Variants in SYT1 observed in about 807,000 individuals in gnomAD.
The protein encoded by SYT1 is synaptotagmin-1.
A neutral mutation model predicts 44.8 loss-of-function variants in SYT1; 8 were observed. That is an observed-to-expected ratio of 0.18 (90% CI 0.10 to 0.32). SYT1 has a LOEUF of 0.32. SYT1 is among the 10% of genes least tolerant of loss of function. The probability of loss-of-function intolerance (pLI) is 1.00; values close to 1 mark genes in which losing one functional copy is unlikely to be tolerated. For missense variants in SYT1, 286 were observed against 509.3 expected (o/e 0.56, Z 4.22); for synonymous variants, 154 against 188.8 (o/e 0.82, Z 1.51).
At chr12:79,302,083 T>G (rs2138889285) in intron 8 of SYT1, among the ~76,000 whole-genome samples, 1 of 152,332 alleles carries the variant, frequency 6.6e-6, no homozygotes, top group African/African-American at 2.4e-5. Flanking sequence ...TATAATTGTG[T>G]GAATAAATTG....
At chr12:79,338,337 T>C (rs1882184880) in intron 8 of SYT1, among the ~76,000 whole-genome samples, 2 of 151,390 alleles carry the variant, frequency 1.3e-5, no homozygotes, top group South Asian at 2.1e-4. Flanking sequence ...AGGGCAGTGG[T>C]ACAAATCATA....
chr12:79,063,836 C>G lies in SYT1; in HGVS notation c.-18+16474C>G, dbSNP rs1029847693. 2.0e-5 allele frequency among the ~76,000 whole-genome samples: 3 copies of G among 152,078 alleles called. No individual in the cohort carries two copies. The East Asian group carries it at 5.8e-4, about 29-fold the overall frequency. ...GGAACACCAAAGCAAACCCACTCAC[C>G]CTTCCAAAAAGTATCATTTCTTTCA... On this transcript the variant is annotated intron_variant, in intron 3 of 10. Transcript: ENST00000261205.
chr12:79,132,444 G>A (rs1297452600), intron 3 of SYT1, among the ~76,000 whole-genome samples: 4 of 138,432 alleles, frequency 2.9e-5, no homozygotes, highest in African/African-American at 1.1e-4. Context: ...GCAAGATTCC[G>A]TCTCAAAAAA....
rs1283779176 is a variant in SYT1, at chr12:79,285,970, A to G, written c.350A>G (p.Gln117Arg). ...VKDLGKTMKD[Q>R]ALKDDDAETG... ...GACTTAGGGAAGACGATGAAAGATCAGGTAATGTATTCTTTCTACATTTCT... is the reference window on the plus strand; with the variant it reads ...GACTTAGGGAAGACGATGAAAGATCGGGTAATGTATTCTTTCTACATTTCT... The change falls in exon 5 of 11, where the codon CAG (glutamine) becomes CGG (arginine). Residue 117 changes from glutamine to arginine, a missense_variant and splice_region_variant. Coordinates refer to ENST00000261205, the MANE Select transcript of SYT1 (RefSeq NM_005639.3). The G allele has an allele frequency of 6.2e-7, 1 of 1,602,986 alleles. No homozygotes were observed. Among genetic ancestry groups the G allele is most frequent in the Non-Finnish European group, 8.5e-7 (1 of 1,177,644 alleles).
Position 79,300,469 on chromosome 12 carries a change from G to A in SYT1, c.810+918G>A, listed in dbSNP as rs187926181. On this transcript the variant is annotated intron_variant, in intron 8 of 10. Transcript: ENST00000261205. Reference sequence around the variant, plus strand: ...GGTCACCAGGGAGATCAGAGAGAACGTCAGGCCTTCAGAGAAACTCAATCA... The same window carrying A: ...GGTCACCAGGGAGATCAGAGAGAACATCAGGCCTTCAGAGAAACTCAATCA... 1.7e-4 allele frequency among the ~76,000 whole-genome samples: 26 copies of A among 152,094 alleles called. 1 individual carries two copies. The East Asian group carries it at 3.1e-3, about 18-fold the overall frequency.
At chr12:79,228,485 C>G (rs548616472) in intron 4 of SYT1, among the ~76,000 whole-genome samples, 1 of 152,212 alleles carries the variant, frequency 6.6e-6, no homozygotes, top group South Asian at 2.1e-4. Flanking sequence ...ACTGAAAACT[C>G]TTGACTTCCA....
chr12:79,103,788 A>G (rs760460914), intron 3 of SYT1, among the ~76,000 whole-genome samples: 1 of 152,150 alleles, frequency 6.6e-6, no homozygotes, highest in Admixed American at 6.5e-5. Context: ...TACTCTGAGC[A>G]GGCATTTTTC....
intron 4 of SYT1, among the ~76,000 whole-genome samples, chr12:79,244,466 G>A (rs1876700197): frequency 6.6e-6 from 1 of 152,040 alleles, no homozygotes; most frequent in Non-Finnish European, 1.5e-5. Context: ...AGCACTTTGG[G>A]AGGCCAAGGT....
intron 1 of SYT1, among the ~76,000 whole-genome samples, chr12:78,925,543 T>A (rs1409298495): frequency 6.6e-6 from 1 of 151,922 alleles, no homozygotes; most frequent in Non-Finnish European, 1.5e-5. Context: ...TTTCTATTCT[T>A]TTTAAAGTAT....
chr12:78,988,440 G>T (rs2137472519), intron 2 of SYT1, among the ~76,000 whole-genome samples: 1 of 147,914 alleles, frequency 6.8e-6, no homozygotes, highest in African/African-American at 2.5e-5. Flanking sequence ...TATATAAAAT[G>T]TAAAGTATGC....
chr12:79,139,826 A>C (rs1307434547), intron 3 of SYT1, among the ~76,000 whole-genome samples: 1 of 152,202 alleles, frequency 6.6e-6, no homozygotes, highest in African/African-American at 2.4e-5. Flanking sequence ...TAATCAGGCC[A>C]CTGAGCAGAA....
At position 78,888,498 on chromosome 12, in the gene SYT1, T is replaced by A. The variant is rs549047034; in HGVS notation, c.-217+23389T>A. Among the ~76,000 whole-genome samples, 37 of 152,100 alleles carry A rather than the reference T, an allele frequency of 2.4e-4. No homozygotes were observed. In the South Asian group the frequency reaches 5.0e-3, roughly 20 times the overall value. ...ATCATCACCTAAATGTTCCTTATTA[T>A]AGTCAAATGCATAGCAACATATTTA... On this transcript the variant is annotated intron_variant, in intron 1 of 10. Coordinates refer to ENST00000261205, the MANE Select transcript of SYT1 (RefSeq NM_005639.3).
intron 9 of SYT1, among the ~76,000 whole-genome samples, chr12:79,385,907 G>C (rs1884417579): frequency 6.6e-6 from 1 of 152,172 alleles, no homozygotes; most frequent in Admixed American, 6.5e-5. Flanking sequence ...AGTGGTCTAT[G>C]ACTAAGTTAA....
chr12:78,973,582 C>T (rs1272113456), intron 1 of SYT1, among the ~76,000 whole-genome samples: 1 of 151,964 alleles, frequency 6.6e-6, no homozygotes, highest in Non-Finnish European at 1.5e-5. Flanking sequence ...ATCACAGTAG[C>T]CAATGTATGG....
intron 3 of SYT1, among the ~76,000 whole-genome samples, chr12:79,178,721 CAT>C (rs1872058812): frequency 6.6e-6 from 1 of 151,518 alleles, no homozygotes; most frequent in Admixed American, 6.6e-5. Context: ...TTCTCCATTT[CAT>C]ATGTTTATAT....
chr12:79,359,224 G>A (rs564296835), intron 9 of SYT1, among the ~76,000 whole-genome samples: 4 of 152,290 alleles, frequency 2.6e-5, no homozygotes, highest in African/African-American at 7.2e-5. Flanking sequence ...ATGGGGGCAA[G>A]CTGGAAACCC....
intron 3 of SYT1, among the ~76,000 whole-genome samples, chr12:79,156,448 T>C (rs1477671278): frequency 2.1e-5 from 3 of 141,240 alleles, no homozygotes; most frequent in African/African-American, 8.2e-5. Context: ...GCTGCTGTTG[T>C]TGTTGTTGTT....
intron 4 of SYT1, among the ~76,000 whole-genome samples, chr12:79,241,840 A>C (rs1367748582): frequency 1.3e-5 from 2 of 152,160 alleles, no homozygotes; most frequent in Non-Finnish European, 2.9e-5. Flanking sequence ...GATCGAATCA[A>C]GTTAAGGTGA....
intron 4 of SYT1, among the ~76,000 whole-genome samples, chr12:79,261,771 T>C (rs1163808082): frequency 6.6e-6 from 1 of 152,186 alleles, no homozygotes; most frequent in Admixed American, 6.5e-5. Context: ...GTATTATTAT[T>C]TCAATTTTCA....
Sources: allele counts gnomAD v4.1 joint callset (sites outside exome capture counted in the v4.1 genomes callset), GRCh38; gene constraint gnomAD v4.1.1; transcripts MANE v1.5; gene names NCBI Gene and HGNC (gene_info 2026-07-23, HGNC 2026-07-21).